The following LRRC4C variants were observed in gnomAD, a reference collection of about 807,000 sequenced individuals.
LRRC4C encodes the protein leucine-rich repeat-containing protein 4C.
A neutral mutation model predicts 33.6 loss-of-function variants in LRRC4C; 5 were observed. The observed-to-expected ratio is 0.15, with a 90% confidence interval of 0.08 to 0.31. The LOEUF (loss-of-function observed/expected upper bound fraction) is 0.31. Among genes scored for constraint, LRRC4C ranks in the 10% least tolerant of loss-of-function variants. The pLI is 1.00. For missense variants in LRRC4C, 560 were observed against 796.7 expected, an observed-to-expected ratio of 0.70 and a Z score of 3.58; for synonymous variants, 329 against 302.0, an observed-to-expected ratio of 1.09 and a Z score of -0.93.
At chr11:40,755,296 A>G (rs1233434853) in intron 2 of LRRC4C, among the ~76,000 whole-genome samples, 1 of 152,116 alleles carries the variant, frequency 6.6e-6, no homozygotes, top group East Asian at 1.9e-4. Flanking sequence ...TAACTATGGC[A>G]TAAACTCTAG....
intron 2 of LRRC4C, among the ~76,000 whole-genome samples, chr11:40,815,939 C>G (rs182211083): frequency 6.6e-6 from 1 of 152,130 alleles, no homozygotes; most frequent in South Asian, 2.1e-4. Flanking sequence ...ATATAAGATG[C>G]TTTCTATACA....
chr11:41,139,809 G>A (rs562803555), intron 1 of LRRC4C, among the ~76,000 whole-genome samples: 51 of 152,288 alleles, frequency 3.3e-4, no homozygotes, highest in African/African-American at 1.2e-3. Flanking sequence ...TTGGAGCAGG[G>A]TGGGGATACT....
intron 3 of LRRC4C, among the ~76,000 whole-genome samples, chr11:40,373,020 T>C (rs1948518031): frequency 6.6e-6 from 1 of 152,192 alleles, no homozygotes; most frequent in East Asian, 1.9e-4. Flanking sequence ...TTACTATGTC[T>C]GGTAATGGTG....
At chr11:41,236,360 C>G (rs1948022382) in intron 1 of LRRC4C, among the ~76,000 whole-genome samples, 1 of 151,972 alleles carries the variant, frequency 6.6e-6, no homozygotes, top group African/African-American at 2.4e-5. Context: ...CATAGCCAAA[C>G]AGAATTTTAA....
At position 40,759,259 on chromosome 11, in the gene LRRC4C, A is replaced by C. The variant is rs1949084734; in HGVS notation, c.-406-110981T>G. ...TATATATTATGTATGTACTTCTTCC[A>C]TATATATATTATATATATACATCTT... On this transcript the variant is annotated intron_variant, in intron 2 of 6. Coordinates refer to ENST00000528697, the MANE Select transcript of LRRC4C (RefSeq NM_001258419.2). Among the ~76,000 whole-genome samples the C allele has an allele frequency of 2.7e-5, 4 of 147,602 alleles. No homozygotes were observed. The Admixed American group carries it at 2.7e-4, about 10-fold the overall frequency.
chr11:41,209,815 C>T (rs1460363648), intron 1 of LRRC4C, among the ~76,000 whole-genome samples: 1 of 151,784 alleles, frequency 6.6e-6, no homozygotes, highest in Admixed American at 6.6e-5. Flanking sequence ...TTGCGTCCTC[C>T]CAGAATTCAT....
chr11:40,329,993 G>A (rs1440613699), intron 3 of LRRC4C, among the ~76,000 whole-genome samples: 2 of 151,862 alleles, frequency 1.3e-5, no homozygotes, highest in Admixed American at 1.3e-4. Context: ...CACCCACTTC[G>A]GCCTCCCAAA....
intron 1 of LRRC4C, among the ~76,000 whole-genome samples, chr11:41,089,168 T>C (rs530649949): frequency 9.2e-5 from 14 of 152,190 alleles, no homozygotes; most frequent in African/African-American, 3.4e-4. Context: ...AATAGAGATT[T>C]AACAGAGTTT....
intron 4 of LRRC4C, among the ~76,000 whole-genome samples, chr11:40,282,344 C>A (rs1361193907): frequency 6.6e-6 from 1 of 151,932 alleles, no homozygotes; most frequent in Non-Finnish European, 1.5e-5. Context: ...GACTCCATCT[C>A]AAAAACAAAA....
At position 41,081,320 on chromosome 11, in the gene LRRC4C, T is replaced by C. The variant is rs548716755; in HGVS notation, c.-495-147597A>G. On this transcript the variant is annotated intron_variant, in intron 1 of 6. Coordinates refer to ENST00000528697, the MANE Select transcript of LRRC4C (RefSeq NM_001258419.2). ...CCCAATGGACTTCTTCATGGAAATA[T>C]AAAAAATAACAAAAAGTTGGTTTAT... 2.0e-5 allele frequency among the ~76,000 whole-genome samples: 3 copies of C among 152,270 alleles called. No homozygotes were observed. In the South Asian group the frequency reaches 6.2e-4, roughly 32 times the overall value.
intron 2 of LRRC4C, among the ~76,000 whole-genome samples, chr11:40,781,270 A>G (rs1015525956): frequency 6.6e-6 from 1 of 152,132 alleles, no homozygotes; most frequent in African/African-American, 2.4e-5. Context: ...TCTGTCATTG[A>G]CCAAAATGTC....
chr11:40,378,239 T>G (rs1948734456), intron 3 of LRRC4C, among the ~76,000 whole-genome samples: 1 of 151,988 alleles, frequency 6.6e-6, no homozygotes, highest in Non-Finnish European at 1.5e-5. Flanking sequence ...TGAATCTTCT[T>G]TTGGTGTTTA....
intron 3 of LRRC4C, among the ~76,000 whole-genome samples, chr11:40,428,088 A>G (rs180889726): frequency 2.0e-5 from 3 of 152,320 alleles, no homozygotes; most frequent in East Asian, 1.9e-4. Flanking sequence ...ATTCAAGTTA[A>G]TATCTGTATA....
intron 2 of LRRC4C, among the ~76,000 whole-genome samples, chr11:40,758,619 G>T (rs118069846): frequency 1.3e-5 from 2 of 151,924 alleles, no homozygotes; most frequent in African/African-American, 4.8e-5. Context: ...GGAAGACCTT[G>T]GATGAAAAGT....
intron 1 of LRRC4C, among the ~76,000 whole-genome samples, chr11:41,053,787 G>T (rs777596777): frequency 6.6e-6 from 1 of 152,094 alleles, no homozygotes; most frequent in Non-Finnish European, 1.5e-5. Flanking sequence ...GAATTAATAT[G>T]TTTCTTTTTA....
intron 3 of LRRC4C, among the ~76,000 whole-genome samples, chr11:40,496,143 A>G (rs1954444443): frequency 6.6e-6 from 1 of 152,082 alleles, no homozygotes; most frequent in Non-Finnish European, 1.5e-5. Flanking sequence ...AGTGTCTTAA[A>G]TGACTGCAAG....
chr11:40,368,548 G>T (rs963827973), intron 3 of LRRC4C, among the ~76,000 whole-genome samples: 6 of 152,004 alleles, frequency 3.9e-5, no homozygotes, highest in African/African-American at 1.5e-4. Context: ...AATTCCTAAG[G>T]GCTTCCAGTT....
intron 3 of LRRC4C, among the ~76,000 whole-genome samples, chr11:40,472,238 C>T (rs1448236836): frequency 6.6e-6 from 1 of 151,842 alleles, no homozygotes; most frequent in African/African-American, 2.4e-5. Context: ...CGAGATTGTC[C>T]CACTGCACTC....
At chr11:40,456,611 T>A (rs1462062585) in intron 3 of LRRC4C, among the ~76,000 whole-genome samples, 1 of 151,842 alleles carries the variant, frequency 6.6e-6, no homozygotes, top group African/African-American at 2.4e-5. Flanking sequence ...GAAATAATAA[T>A]AGAAAAAAAT....
Sources: allele counts gnomAD v4.1 joint callset (sites outside exome capture counted in the v4.1 genomes callset), GRCh38; gene constraint gnomAD v4.1.1; transcripts MANE v1.5; gene names NCBI Gene and HGNC (gene_info 2026-07-23, HGNC 2026-07-21).